Variants in OPRM1 observed in about 807,000 individuals in gnomAD.
OPRM1 encodes mu-type opioid receptor.
A neutral mutation model predicts 31.8 loss-of-function variants in OPRM1; 27 were observed. The ratio of observed to expected loss-of-function variants is 0.85; its 90% CI spans 0.63 to 1.17. OPRM1 has a LOEUF of 1.17. OPRM1 is among the 50% of genes most tolerant of loss of function. The pLI, the probability that OPRM1 is intolerant of heterozygous loss-of-function variation, is 0.00. For missense variants in OPRM1, 536 were observed against 511.1 expected (o/e 1.05, Z -0.47); for synonymous variants, 196 against 189.9 (o/e 1.03, Z -0.26).
intron 1 of OPRM1, among the ~76,000 whole-genome samples, chr6:154,071,075 G>A (rs570582819): frequency 2.6e-5 from 4 of 152,244 alleles, no homozygotes; most frequent in African/African-American, 7.2e-5. Context: ...TGAGCAAGCA[G>A]GTCTTCACTT....
At chr6:154,201,296 C>T (rs1777049911) in intron 3 of OPRM1, among the ~76,000 whole-genome samples, 1 of 152,182 alleles carries the variant, frequency 6.6e-6, no homozygotes, top group Non-Finnish European at 1.5e-5. Context: ...ATCTTTGCTA[C>T]ATTTTGATGT....
chr6:154,071,718 A>AT (rs975617074), intron 1 of OPRM1, among the ~76,000 whole-genome samples: 2 of 152,184 alleles, frequency 1.3e-5, no homozygotes, highest in Non-Finnish European at 2.9e-5. Flanking sequence ...AGCATCAGTA[A>AT]TTTTTTATCT....
upstream of OPRM1, among the ~76,000 whole-genome samples, chr6:154,038,173 A>G (rs1471348343): frequency 6.6e-6 from 1 of 152,180 alleles, no homozygotes; most frequent in East Asian, 1.9e-4. Context: ...GTTCCTTTCA[A>G]GATCTTCCCT....
chr6:154,010,703 T>C, exon 1 of OPRM1: 3 of 1,439,960 alleles, frequency 2.1e-6, no homozygotes, highest in Non-Finnish European at 2.7e-6. Context: ...CAGACAGGCT[T>C]CTGGATTCAG....
intron 3 of OPRM1, among the ~76,000 whole-genome samples, chr6:154,162,930 C>T (rs901959043): frequency 4.6e-5 from 7 of 152,184 alleles, no homozygotes; most frequent in African/African-American, 7.2e-5. Context: ...ACTTCCAATG[C>T]ACACCAAACC....
intron 3 of OPRM1, among the ~76,000 whole-genome samples, chr6:154,115,975 T>G (rs1282042206): frequency 6.6e-6 from 1 of 152,168 alleles, no homozygotes; most frequent in Non-Finnish European, 1.5e-5. Flanking sequence ...TTGGAGGGGC[T>G]TGGTTTTTCT....
downstream of OPRM1, among the ~76,000 whole-genome samples, chr6:154,135,187 G>A (rs1182075842): frequency 6.6e-6 from 1 of 152,130 alleles, no homozygotes; most frequent in Non-Finnish European, 1.5e-5. Context: ...ATTGACATTC[G>A]GCCAAGTGCA....
At position 154,131,534 on chromosome 6, in the gene OPRM1, C is replaced by T. The variant is rs576582153; in HGVS notation, c.*12813C>T. The stretch of plus-strand genomic sequence containing the variant: ...TGAAATAAAAGATAGACCCCTGCTG[C>T]TCTGCACGTAGATTCAGTTTGTATG... On this transcript the variant is annotated 3_prime_UTR_variant, in exon 4 of 4. Coordinates refer to ENST00000330432, the MANE Select transcript of OPRM1 (RefSeq NM_000914.5). Among the ~76,000 whole-genome samples the T allele has an allele frequency of 5.9e-5, 9 of 152,308 alleles. No individual in the cohort carries two copies. The highest frequency in any genetic ancestry group is 1.9e-4 in the African/African-American group (8 of 41,572).
chr6:154,032,337 C>G (rs1779056895), intron 1 of OPRM1, among the ~76,000 whole-genome samples: 1 of 152,178 alleles, frequency 6.6e-6, no homozygotes, highest in Non-Finnish European at 1.5e-5. Context: ...ATGAAAAAAT[C>G]AGGCCATCAA....
At chr6:154,197,970 A>G (rs925646912) in intron 3 of OPRM1, among the ~76,000 whole-genome samples, 2 of 152,178 alleles carry the variant, frequency 1.3e-5, no homozygotes, top group African/African-American at 4.8e-5. Flanking sequence ...GTCTCTTCTA[A>G]GCATCAAGAT....
At chr6:154,063,493 T>A (rs1489864468) in intron 1 of OPRM1, among the ~76,000 whole-genome samples, 1 of 151,990 alleles carries the variant, frequency 6.6e-6, no homozygotes, top group African/African-American at 2.4e-5. Context: ...TTTTATTGAT[T>A]CATGCAACAT....
At chr6:154,053,005 C>T (rs1782510427) in intron 1 of OPRM1, among the ~76,000 whole-genome samples, 1 of 152,168 alleles carries the variant, frequency 6.6e-6, no homozygotes, top group Non-Finnish European at 1.5e-5. Context: ...ATAATCACCA[C>T]ACAAAATTAT....
chr6:154,149,856 C>T (rs1226235498), intron 3 of OPRM1, among the ~76,000 whole-genome samples: 4 of 152,092 alleles, frequency 2.6e-5, no homozygotes, highest in Non-Finnish European at 4.4e-5. Flanking sequence ...TCTACTATTC[C>T]AGAATTCTGT....
intron 3 of OPRM1, among the ~76,000 whole-genome samples, chr6:154,151,747 A>G (rs1051099249): frequency 6.6e-6 from 1 of 152,056 alleles, no homozygotes; most frequent in Non-Finnish European, 1.5e-5. Context: ...AGAACTGCCG[A>G]GGTATGCTCA....
At chr6:154,163,399 T>C (rs1478539872) in intron 3 of OPRM1, among the ~76,000 whole-genome samples, 1 of 152,256 alleles carries the variant, frequency 6.6e-6, no homozygotes, top group Non-Finnish European at 1.5e-5. Flanking sequence ...ACACAAATTA[T>C]GTCTTTCAAA....
chr6:154,201,873 C>T (rs894250849), intron 3 of OPRM1, among the ~76,000 whole-genome samples: 4 of 152,084 alleles, frequency 2.6e-5, no homozygotes, highest in Admixed American at 6.6e-5. Flanking sequence ...CCAGCCTGGG[C>T]AACAGAGTGA....
intron 1 of OPRM1, among the ~76,000 whole-genome samples, chr6:154,045,820 G>C (rs1384316794): frequency 6.6e-6 from 1 of 152,292 alleles, no homozygotes; most frequent in East Asian, 1.9e-4. Flanking sequence ...AAGTTCCCTT[G>C]ACCAGGAAAT....
chr6:154,033,779 C>T (rs996311265), intron 1 of OPRM1, among the ~76,000 whole-genome samples: 9 of 152,146 alleles, frequency 5.9e-5, no homozygotes, highest in Non-Finnish European at 1.0e-4. Context: ...AAAGTGTGGT[C>T]TGTGGATTTG....
At chr6:154,216,496 T>G (rs760637900) in intron 3 of OPRM1, among the ~76,000 whole-genome samples, 4 of 152,226 alleles carry the variant, frequency 2.6e-5, no homozygotes, top group Non-Finnish European at 5.9e-5. Context: ...CCTGATCCAC[T>G]GTACTTCAAA....
Sources: allele counts gnomAD v4.1 joint callset (sites outside exome capture counted in the v4.1 genomes callset), GRCh38; gene constraint gnomAD v4.1.1; transcripts MANE v1.5; gene names NCBI Gene and HGNC (gene_info 2026-07-23, HGNC 2026-07-21).